DPYD: variants seen among roughly 807,000 people sequenced by gnomAD.
DPYD encodes dihydropyrimidine dehydrogenase.
In DPYD, 109 loss-of-function variants were observed where a neutral mutation model predicts 116.2. That is an observed-to-expected ratio of 0.94 (90% CI 0.80 to 1.10). The LOEUF is 1.10. DPYD is among the 50% of genes least tolerant of loss of function. The pLI is 0.00. For missense variants in DPYD, 1,302 were observed against 1,254.5 expected (o/e 1.04, Z -0.57); for synonymous variants, 440 against 432.0 (o/e 1.02, Z -0.23).
intron 20 of DPYD, among the ~76,000 whole-genome samples, chr1:97,177,728 A>AGGCCAATTGCTGGATATCCTCCTAAAC (rs1553228995): frequency 6.6e-6 from 1 of 152,146 alleles, no homozygotes; most frequent in Non-Finnish European, 1.5e-5. Context: ...CAGTTGGAGG[A>AGGCCAATTGCTGGATATCCTCCTAAAC]GGCCAATTGC....
intron 12 of DPYD, among the ~76,000 whole-genome samples, chr1:97,534,772 T>G (rs1179915991): frequency 6.6e-6 from 1 of 152,106 alleles, no homozygotes; most frequent in Non-Finnish European, 1.5e-5. Context: ...TCCATTTTTT[T>G]AAATGGGAAA....
At position 97,444,196 on chromosome 1, in the gene DPYD, T is replaced by C. The variant is rs532202305; in HGVS notation, c.1905+5863A>G. Among the ~76,000 whole-genome samples the C allele has an allele frequency of 9.8e-5, 15 of 152,320 alleles. 1 individual carries two copies. The South Asian group carries it at 1.0e-3, about 11-fold the overall frequency. On this transcript the variant is annotated intron_variant, in intron 14 of 22. Coordinates refer to ENST00000370192, the MANE Select transcript of DPYD (RefSeq NM_000110.4). Reference sequence around the variant, plus strand: ...GATCATTTGTTTTCTTTTTTGAAAATTTATATTTAAGATTGCCCACTTAAG... The same window carrying C: ...GATCATTTGTTTTCTTTTTTGAAAACTTATATTTAAGATTGCCCACTTAAG...
At chr1:97,836,765 C>T (rs1669791090) in intron 2 of DPYD, among the ~76,000 whole-genome samples, 1 of 151,610 alleles carries the variant, frequency 6.6e-6, no homozygotes, top group Non-Finnish European at 1.5e-5. Context: ...ATGTACATTA[C>T]AAAGAAAAAT....
chr1:97,567,498 C>T (rs1309614335), intron 11 of DPYD, among the ~76,000 whole-genome samples: 4 of 151,946 alleles, frequency 2.6e-5, no homozygotes, highest in Non-Finnish European at 5.9e-5. Flanking sequence ...GGGTGAAGTA[C>T]GTAAATTCCT....
intron 2 of DPYD, among the ~76,000 whole-genome samples, chr1:97,846,701 AT>A (rs1250308188): frequency 6.6e-6 from 1 of 152,250 alleles, no homozygotes; most frequent in African/African-American, 2.4e-5. Flanking sequence ...TTCAACAATG[AT>A]AATGTTTGCA....
chr1:97,301,139 G>A (rs568109649), intron 18 of DPYD, among the ~76,000 whole-genome samples: 1 of 152,084 alleles, frequency 6.6e-6, no homozygotes, highest in Non-Finnish European at 1.5e-5. Flanking sequence ...AACTTATTTA[G>A]AAATACACAG....
chr1:97,536,052 T>G (rs12089969), intron 12 of DPYD, among the ~76,000 whole-genome samples: 1 of 152,148 alleles, frequency 6.6e-6, no homozygotes, highest in Non-Finnish European at 1.5e-5. Context: ...TTTCTATGAC[T>G]GTAAGCAAAT....
chr1:97,406,776 C>T (rs1486112221), intron 14 of DPYD, among the ~76,000 whole-genome samples: 1 of 152,100 alleles, frequency 6.6e-6, no homozygotes, highest in African/African-American at 2.4e-5. Flanking sequence ...CATAGCATGT[C>T]TGGTATTGAT....
At chr1:97,108,296 G>T (rs1651323470) in intron 20 of DPYD, among the ~76,000 whole-genome samples, 1 of 152,194 alleles carries the variant, frequency 6.6e-6, no homozygotes, top group South Asian at 2.1e-4. Context: ...CTCCCTCTGT[G>T]TCTCAGTTTT....
intron 3 of DPYD, among the ~76,000 whole-genome samples, chr1:97,779,571 G>T (rs576125429): frequency 6.6e-6 from 1 of 152,068 alleles, no homozygotes; most frequent in South Asian, 2.1e-4. Flanking sequence ...TTTTATACAG[G>T]AACTGATTTA....
intron 14 of DPYD, among the ~76,000 whole-genome samples, chr1:97,413,852 C>G (rs1164568326): frequency 6.6e-6 from 1 of 151,982 alleles, no homozygotes; most frequent in Non-Finnish European, 1.5e-5. Flanking sequence ...AACATATTTT[C>G]ATGACTTGGA....
chr1:97,226,899 T>C (rs1468638838), intron 19 of DPYD, among the ~76,000 whole-genome samples: 1 of 152,170 alleles, frequency 6.6e-6, no homozygotes, highest in African/African-American at 2.4e-5. Context: ...GATGATTGGA[T>C]GATTTACCAT....
At chr1:97,363,826 C>T (rs1483715431) in intron 16 of DPYD, among the ~76,000 whole-genome samples, 1 of 152,078 alleles carries the variant, frequency 6.6e-6, no homozygotes, top group Non-Finnish European at 1.5e-5. Flanking sequence ...GGGGGAGGGA[C>T]AGCATTAGAG....
intron 20 of DPYD, among the ~76,000 whole-genome samples, chr1:97,115,729 T>C (rs886483495): frequency 2.6e-5 from 4 of 152,176 alleles, no homozygotes; most frequent in African/African-American, 9.6e-5. Flanking sequence ...TGTTACCTTA[T>C]ATGTTTTTAA....
At chr1:97,080,979 T>C (rs1311404892) in intron 22 of DPYD, among the ~76,000 whole-genome samples, 6 of 152,230 alleles carry the variant, frequency 3.9e-5, no homozygotes, top group Admixed American at 6.5e-5. Context: ...GACTTCCTGA[T>C]TGATCTCTGA....
chr1:97,652,487 GA>G (rs1254028382), intron 8 of DPYD, among the ~76,000 whole-genome samples: 2 of 152,098 alleles, frequency 1.3e-5, no homozygotes, highest in African/African-American at 4.8e-5. Context: ...TTTACACATG[GA>G]TATGGCCCCC....
At chr1:97,105,370 C>G (rs1557865547) in intron 20 of DPYD, among the ~76,000 whole-genome samples, 1 of 152,066 alleles carries the variant, frequency 6.6e-6, no homozygotes, top group Non-Finnish European at 1.5e-5. Context: ...CTTTTATAAA[C>G]AGGGAGAGCC....
At chr1:97,264,351 T>C (rs569141539) in intron 18 of DPYD, among the ~76,000 whole-genome samples, 1 of 151,640 alleles carries the variant, frequency 6.6e-6, no homozygotes, top group East Asian at 2.0e-4. Context: ...TTTATGTTTT[T>C]TGTTTCTAAT....
intron 13 of DPYD, among the ~76,000 whole-genome samples, chr1:97,486,133 T>C (rs1409063724): frequency 6.6e-6 from 1 of 151,852 alleles, no homozygotes; most frequent in Non-Finnish European, 1.5e-5. Flanking sequence ...ATCATAACAT[T>C]GTTATTGTCT....
Sources: allele counts gnomAD v4.1 joint callset (sites outside exome capture counted in the v4.1 genomes callset), GRCh38; gene constraint gnomAD v4.1.1; transcripts MANE v1.5; gene names NCBI Gene and HGNC (gene_info 2026-07-23, HGNC 2026-07-21).